The following ARL15 variants were observed in gnomAD, a reference collection of about 807,000 sequenced individuals.
ARL15 encodes ARF like GTPase 15.
In ARL15, 19 loss-of-function variants were observed where a neutral mutation model predicts 25.2. The observed-to-expected ratio is 0.75, with a 90% confidence interval of 0.53 to 1.10. The LOEUF (loss-of-function observed/expected upper bound fraction) is 1.10, where lower values mean the gene tolerates loss of function less well. ARL15 is among the 50% of genes least tolerant of loss of function. The pLI is 0.00. For missense variants in ARL15, 220 were observed against 246.0 expected, an observed-to-expected ratio of 0.89 and a Z score of 0.71; for synonymous variants, 94 against 86.8, an observed-to-expected ratio of 1.08 and a Z score of -0.46.
chr5:54,187,886 T>C (rs1755283553), intron 1 of ARL15, among the ~76,000 whole-genome samples: 1 of 152,200 alleles, frequency 6.6e-6, no homozygotes, highest in Non-Finnish European at 1.5e-5. Flanking sequence ...CTAGCTTTTG[T>C]TAAACACAAA....
chr5:53,944,221 A>C (rs964506884), intron 4 of ARL15, among the ~76,000 whole-genome samples: 2 of 152,150 alleles, frequency 1.3e-5, no homozygotes, highest in African/African-American at 4.8e-5. Context: ...TCTGTAGACA[A>C]ACAGCCTAGA....
intron 1 of ARL15, among the ~76,000 whole-genome samples, chr5:54,304,313 A>C (rs1758695141): frequency 1.3e-5 from 2 of 152,222 alleles, no homozygotes. Flanking sequence ...CCTCAGTTTA[A>C]TGCTATTACA....
At chr5:54,032,531 G>A (rs977927476) in intron 4 of ARL15, among the ~76,000 whole-genome samples, 5 of 151,872 alleles carry the variant, frequency 3.3e-5, no homozygotes, top group African/African-American at 4.8e-5. Context: ...CACTGCACCC[G>A]GCTTGTTTAT....
At chr5:54,072,902 G>A (rs1005052186) in intron 4 of ARL15, among the ~76,000 whole-genome samples, 2 of 152,026 alleles carry the variant, frequency 1.3e-5, no homozygotes, top group Non-Finnish European at 2.9e-5. Context: ...ATAGAATCAC[G>A]CTGAAGATGG....
intron 1 of ARL15, among the ~76,000 whole-genome samples, chr5:54,186,104 T>C (rs1236489200): frequency 6.6e-6 from 1 of 152,182 alleles, no homozygotes; most frequent in African/African-American, 2.4e-5. Flanking sequence ...TTCTAACAGT[T>C]AAATCGACTC....
At chr5:54,109,991 T>A (rs144809612) in intron 4 of ARL15, among the ~76,000 whole-genome samples, 1 of 152,026 alleles carries the variant, frequency 6.6e-6, no homozygotes, top group East Asian at 1.9e-4. Flanking sequence ...TCTCAAGACA[T>A]AAAATCTTAA....
chr5:53,914,871 C>G (rs564809819), intron 4 of ARL15, among the ~76,000 whole-genome samples: 1 of 151,978 alleles, frequency 6.6e-6, no homozygotes, highest in East Asian at 1.9e-4. Flanking sequence ...AGTGCAATGG[C>G]GTGATCTCAG....
At chr5:54,059,454 C>A (rs537025011) in intron 4 of ARL15, among the ~76,000 whole-genome samples, 1 of 152,102 alleles carries the variant, frequency 6.6e-6, no homozygotes, top group East Asian at 1.9e-4. Flanking sequence ...ACAGCTTAAC[C>A]AGTTGTATTT....
At position 54,039,934 on chromosome 5, in the gene ARL15, A is replaced by G. The variant is rs114978234; in HGVS notation, c.462+73268T>C. On this transcript the variant is annotated intron_variant, in intron 4 of 4. Transcript: ENST00000504924. ...GGTCCACTGGAGAAGAAGCCACAAA[A>G]GATCATAAACAATGTGTACGTAAAA... Among the ~76,000 whole-genome samples the G allele has an allele frequency of 7.1e-3, 1,076 of 152,282 alleles. 11 individuals are homozygous for G. The highest frequency in any genetic ancestry group is 0.025 in the African/African-American group (1,035 of 41,542).
chr5:53,977,488 A>T (rs1747977317), intron 4 of ARL15, among the ~76,000 whole-genome samples: 1 of 152,052 alleles, frequency 6.6e-6, no homozygotes, highest in South Asian at 2.1e-4. Context: ...CACTTCTTAG[A>T]TGATTCCTGT....
rs907752451 is a variant in ARL15, at chr5:54,179,844, C to T, written c.49-7916G>A. On this transcript the variant is annotated intron_variant, in intron 1 of 4. Coordinates refer to ENST00000504924, the MANE Select transcript of ARL15 (RefSeq NM_019087.3). ...ACCAGCCTGGCCAACGTGGTGAGAC[C>T]CCGTCTCTACTAAAAATACAAAAAT... Among the ~76,000 whole-genome samples the T allele has an allele frequency of 1.4e-4, 21 of 151,584 alleles. 1 individual carries two copies. The highest frequency in any genetic ancestry group is 5.1e-4 in the African/African-American group (21 of 41,248).
chr5:54,029,813 G>C (rs1413059751), intron 4 of ARL15, among the ~76,000 whole-genome samples: 1 of 152,100 alleles, frequency 6.6e-6, no homozygotes, highest in Non-Finnish European at 1.5e-5. Context: ...CTAACACGGT[G>C]AAACTCCGCC....
chr5:54,009,294 T>G lies in ARL15; in HGVS notation c.462+103908A>C, dbSNP rs192985464. 1.2e-3 allele frequency among the ~76,000 whole-genome samples: 176 copies of G among 152,318 alleles called. No homozygotes were observed. In the Middle Eastern group the frequency reaches 0.014, roughly 12 times the overall value. ...AGGAACTTCAAGTAACTTAGCAAAG[T>G]GTGTTGCCCTCCTTTTCCTCCACCC... is the stretch of plus-strand genomic sequence containing the variant. On this transcript the variant is annotated intron_variant, in intron 4 of 4. Coordinates refer to ENST00000504924, the MANE Select transcript of ARL15 (RefSeq NM_019087.3).
At chr5:54,248,691 G>C (rs2112593156) in intron 1 of ARL15, among the ~76,000 whole-genome samples, 2 of 149,878 alleles carry the variant, frequency 1.3e-5, no homozygotes, top group African/African-American at 4.9e-5. Context: ...TGGCTCATCA[G>C]AGCAATGTCT....
At chr5:53,957,563 T>G (rs533816388) in intron 4 of ARL15, among the ~76,000 whole-genome samples, 1 of 152,252 alleles carries the variant, frequency 6.6e-6, no homozygotes, top group South Asian at 2.1e-4. Flanking sequence ...GAGCCAGGCA[T>G]GGTGATTTAT....
chr5:54,270,136 C>G (rs1485147898), intron 1 of ARL15, among the ~76,000 whole-genome samples: 3 of 152,140 alleles, frequency 2.0e-5, no homozygotes, highest in African/African-American at 7.2e-5. Context: ...AAAAATTGCA[C>G]ATGAATTATC....
chr5:54,098,890 A>G (rs1024107198), intron 4 of ARL15, among the ~76,000 whole-genome samples: 1 of 152,214 alleles, frequency 6.6e-6, no homozygotes, highest in African/African-American at 2.4e-5. Flanking sequence ...AATAAAAGTA[A>G]TACAAAGTAA....
chr5:54,088,066 G>A (rs538427693), intron 4 of ARL15, among the ~76,000 whole-genome samples: 1 of 152,250 alleles, frequency 6.6e-6, no homozygotes, highest in Non-Finnish European at 1.5e-5. Context: ...TGCATCCTAG[G>A]AACTATCCAT....
chr5:53,985,860 CAACTTT>C (rs1748281649), intron 4 of ARL15, among the ~76,000 whole-genome samples: 1 of 152,166 alleles, frequency 6.6e-6, no homozygotes, highest in Admixed American at 6.5e-5. Context: ...CCCGTATACT[CAACTTT>C]AACATCCCCA....
Sources: gnomAD v4.1 joint callset for allele counts (sites outside exome capture counted in the v4.1 genomes callset) on GRCh38, gnomAD v4.1.1 for gene constraint, MANE v1.5 for transcripts, NCBI Gene and HGNC (gene_info 2026-07-23, HGNC 2026-07-21) for gene names.